The following IFI44 variants were observed in gnomAD, a reference collection of about 807,000 sequenced individuals.
IFI44 encodes the protein interferon induced protein 44.
Under a neutral mutation model 45.0 loss-of-function variants are expected in IFI44, and 42 were observed. The observed-to-expected ratio is 0.93, with a 90% CI of 0.73 to 1.21. The LOEUF (loss-of-function observed/expected upper bound fraction) is 1.21. IFI44 is among the 50% of genes most tolerant of loss of function. The probability of loss-of-function intolerance (pLI) is 0.00; values close to 1 mark genes in which losing one functional copy is unlikely to be tolerated. For synonymous variants in IFI44, 221 were observed against 188.6 expected (o/e 1.17, Z -1.41); for missense variants, 623 against 525.8 (o/e 1.18, Z -1.81).
chr1:78,651,428 G>A (rs1223822029), intron 2 of IFI44, among the ~76,000 whole-genome samples: 1 of 152,088 alleles, frequency 6.6e-6, no homozygotes, highest in Non-Finnish European at 1.5e-5. Flanking sequence ...TTCCGCCACC[G>A]ATCTGACAGG....
intron 7 of IFI44, among the ~76,000 whole-genome samples, chr1:78,661,001 A>G (rs1647418170): frequency 6.6e-6 from 1 of 151,936 alleles, no homozygotes; most frequent in Non-Finnish European, 1.5e-5. Context: ...TAGTTGTTCT[A>G]CTCTATTTTT....
rs1647607013 is a variant in IFI44, at chr1:78,663,771, T to C, written c.1295T>C (p.Leu432Pro). The C allele has an allele frequency of 6.2e-7, 1 of 1,612,164 alleles. No homozygotes were observed. Among genetic ancestry groups the C allele is most frequent in the Non-Finnish European group, 8.5e-7 (1 of 1,179,342 alleles). The change falls in exon 9 of 9, where the codon CTA becomes CCA. Residue 432 changes from leucine (L) to proline (P), a missense_variant. By Grantham distance (98) the Leu-to-Pro change is moderately conservative (BLOSUM62 -3). Coordinates refer to ENST00000370747, the MANE Select transcript of IFI44 (RefSeq NM_006417.5). The stretch of plus-strand genomic sequence containing the variant: ...TTTGTGTTTCTTTTCTCAGGGAATC[T>C]AAGGGAGGAAATTATCAACTGTGCA... ...EDLPFEQIGN[L>P]REEIINCAQG...
intron 5 of IFI44, among the ~76,000 whole-genome samples, chr1:78,656,891 T>G (rs1426313394): frequency 6.6e-6 from 1 of 151,650 alleles, no homozygotes; most frequent in African/African-American, 2.4e-5. Flanking sequence ...AAATACAAAC[T>G]TTTTATCATA....
intron 5 of IFI44, among the ~76,000 whole-genome samples, chr1:78,658,279 C>A (rs1279153460): frequency 3.3e-5 from 5 of 151,938 alleles, no homozygotes; most frequent in Non-Finnish European, 5.9e-5. Flanking sequence ...CTATAGTAAC[C>A]TCAGTATAAA....
At chr1:78,651,973 A>G (rs1647131189) in intron 2 of IFI44, among the ~76,000 whole-genome samples, 1 of 152,202 alleles carries the variant, frequency 6.6e-6, no homozygotes, top group Non-Finnish European at 1.5e-5. Context: ...AGGGCCAGAA[A>G]AATAGGCAGG....
chr1:78,650,269 G>T lies in IFI44; in HGVS notation c.74G>T (p.Ser25Ile), dbSNP rs752250083. The change falls in exon 2 of 9, where the codon AGC becomes ATC. Residue 25 changes from serine to isoleucine, a missense_variant. Ser to Ile is a moderately radical substitution (Grantham distance 142). Transcript: ENST00000370747. ...AATCATTTTGGAGGGAAGCGGCTTA[G>T]CCTTCTCTATAAGGGTAGTGTCCAT... ...LQNHFGGKRL[S>I]LLYKGSVHGF... The T allele has an allele frequency of 1.2e-6, 2 of 1,613,858 alleles. No individual in the cohort carries two copies. The highest frequency in any genetic ancestry group is 1.7e-6 in the Non-Finnish European group (2 of 1,179,804).
intron 5 of IFI44, among the ~76,000 whole-genome samples, chr1:78,658,274 G>A (rs1647274400): frequency 6.6e-6 from 1 of 151,878 alleles, no homozygotes; most frequent in Non-Finnish European, 1.5e-5. Flanking sequence ...AACATCTATA[G>A]TAACCTCAGT....
At chr1:78,663,362 C>T (rs1557707799) in intron 8 of IFI44, 1 of 985,178 alleles carries the variant, frequency 1.0e-6, no homozygotes, top group East Asian at 1.1e-4. Context: ...ATGGTCATTG[C>T]TAGGTAGAGG....
intron 2 of IFI44, among the ~76,000 whole-genome samples, chr1:78,652,001 A>G (rs145724142): frequency 4.7e-4 from 72 of 152,260 alleles, no homozygotes; most frequent in African/African-American, 1.7e-3. Context: ...AGTGAAGTTT[A>G]TGGGCCACTT....
intron 8 of IFI44, chr1:78,663,291 C>T: frequency 3.0e-6 from 3 of 985,214 alleles, no homozygotes; most frequent in Non-Finnish European, 3.6e-6. Context: ...CCTTACACTC[C>T]TGTCTTTCTT....
At chr1:78,660,389 A>G (rs1210275766) in intron 6 of IFI44, among the ~76,000 whole-genome samples, 165 bp from the exon 7 acceptor site, 2 of 152,138 alleles carry the variant, frequency 1.3e-5, no homozygotes, top group Non-Finnish European at 2.9e-5. Flanking sequence ...AGATACTAAT[A>G]AGTAGTCCAG....
At chr1:78,663,646 G>T in intron 8 of IFI44, 119 bp from the exon 9 acceptor site, 8 of 1,442,382 alleles carry the variant, frequency 5.5e-6, no homozygotes, top group Admixed American at 2.8e-5. Context: ...TCTTCCTCAT[G>T]GTACGTGTGC....
At chr1:78,661,765 A>T (rs1203620758) in intron 7 of IFI44, among the ~76,000 whole-genome samples, 1 of 152,198 alleles carries the variant, frequency 6.6e-6, no homozygotes, top group Non-Finnish European at 1.5e-5. Context: ...GGGAGATTTC[A>T]TCAATGGAAC....
rs573710240 is a variant in IFI44 at position 78,660,947 on chromosome 1, C to A, written c.1113+293C>A. Among the ~76,000 whole-genome samples, 4 of 152,244 alleles carry A rather than the reference C, an allele frequency of 2.6e-5. No individual in the cohort carries two copies. In the East Asian group the frequency reaches 7.7e-4, roughly 29 times the overall value. On this transcript the variant is annotated intron_variant, in intron 7 of 8. Transcript: ENST00000370747. ...TCCTTTGGTATACTTTAAATAATAT[C>A]TAGATTACTTATAATACCTAACCCA...
chr1:78,650,747 C>T (rs184896163), intron 2 of IFI44, 95 bp downstream of exon 2: 3 of 797,058 alleles, frequency 3.8e-6, no homozygotes, highest in East Asian at 5.2e-5. Context: ...GAACTTTTCA[C>T]TTGTCAATAA....
chr1:78,655,080 A>C lies in IFI44; in HGVS notation c.561A>C (p.Ile187=). The change falls in exon 4 of 9, where the codon ATA becomes ATC. Residue 187 remains isoleucine, a synonymous_variant. Coordinates refer to ENST00000370747, the MANE Select transcript of IFI44 (RefSeq NM_006417.5). Reference sequence around the variant, plus strand: ...CATATGGATCCCTGGTTCAACAAATACGAATTCTGCTGCTGGGTCCAATTG... The same window carrying C: ...CATATGGATCCCTGGTTCAACAAATCCGAATTCTGCTGCTGGGTCCAATTG... The part of the protein sequence containing the change: ...YEPYGSLVQQ[I]RILLLGPIGA... 6.2e-7 allele frequency: 1 copy of C among 1,613,850 alleles called. No homozygotes were observed. Among genetic ancestry groups the C allele is most frequent in the Non-Finnish European group, 8.5e-7 (1 of 1,179,850 alleles).
Position 78,654,225 on chromosome 1 carries a change from C to G in IFI44, c.458-18C>G, listed in dbSNP as rs757118795. The G allele has an allele frequency of 9.3e-6, 13 of 1,395,258 alleles. No homozygotes were observed. The highest frequency in any genetic ancestry group is 2.8e-5 in the African/African-American group (2 of 70,476). The allele number at this position is 1,395,258 out of a possible 1,614,324, so 86.4% of individuals were successfully genotyped here. A position where few individuals can be genotyped will look rare whatever the true frequency, so the allele number is the denominator to read the frequency against. On this transcript the variant is annotated intron_variant, in intron 2 of 8. Transcript: ENST00000370747. ...TCGACAACTTCTAATCTACATTATT[C>G]TTTGATTATTTCCCCAGATTCACTG...
intron 2 of IFI44, among the ~76,000 whole-genome samples, chr1:78,651,522 G>A (rs140007127): frequency 1.2e-4 from 19 of 152,266 alleles, no homozygotes; most frequent in African/African-American, 4.1e-4. Context: ...CTCACGTCCT[G>A]CTCTGTGGCC....
chr1:78,654,104 C>T, intron 2 of IFI44, 139 bp from the exon 3 acceptor site: 2 of 645,624 alleles, frequency 3.1e-6, no homozygotes, highest in East Asian at 2.8e-5. Flanking sequence ...AAAATTGCTC[C>T]CTTTTCACCA....
Sources: allele counts gnomAD v4.1 joint callset (sites outside exome capture counted in the v4.1 genomes callset), GRCh38; gene constraint gnomAD v4.1.1; transcripts MANE v1.5; gene names NCBI Gene and HGNC (gene_info 2026-07-23, HGNC 2026-07-21).